Variants in CCDC13 observed in about 807,000 individuals in gnomAD.
The protein encoded by CCDC13 is coiled-coil domain containing 13.
A neutral mutation model predicts 87.3 loss-of-function variants in CCDC13; 70 were observed. That is an observed-to-expected ratio of 0.80 (90% CI 0.66 to 0.98). The LOEUF (loss-of-function observed/expected upper bound fraction) is 0.98, where lower values mean the gene tolerates loss of function less well. Ranked by LOEUF, CCDC13 falls within the 50% of genes least tolerant of loss-of-function variation. The pLI is 0.00. For synonymous variants in CCDC13, 317 were observed against 360.3 expected, an observed-to-expected ratio of 0.88 and a Z score of 1.36; for missense variants, 842 against 892.0, an observed-to-expected ratio of 0.94 and a Z score of 0.71.
At chr3:42,722,200 T>C (rs1308228619) in intron 13 of CCDC13, among the ~76,000 whole-genome samples, 1 of 152,190 alleles carries the variant, frequency 6.6e-6, no homozygotes, top group Admixed American at 6.5e-5. Flanking sequence ...ACCATACTGA[T>C]GCTTTCTGAC....
intron 9 of CCDC13, among the ~76,000 whole-genome samples, chr3:42,738,353 C>T (rs1247938190): frequency 6.6e-6 from 1 of 152,202 alleles, no homozygotes; most frequent in Admixed American, 6.5e-5. Flanking sequence ...ATGATCCCTC[C>T]AGCTTTGTTC....
chr3:42,722,439 G>A (rs1559639870), intron 13 of CCDC13, among the ~76,000 whole-genome samples: 2 of 152,186 alleles, frequency 1.3e-5, no homozygotes, highest in Non-Finnish European at 2.9e-5. Context: ...ATTCCCAGAT[G>A]GTTAAGGCAT....
intron 7 of CCDC13, chr3:42,745,706 T>G: frequency 2.4e-6 from 1 of 421,924 alleles, no homozygotes; most frequent in Non-Finnish European, 4.2e-6. Flanking sequence ...GCCTGGCATG[T>G]GCTAAGTGTT....
chr3:42,742,950 C>G lies in CCDC13; in HGVS notation c.933G>C (p.Glu311Asp). ...YPDPRKLSAQ[E>D]KNLLRIRSLE... ...GGCTGCGGATCCTCAGCAGGTTTTT[C>G]TCCTGTGCCGACAGCTTCCTTGGGT... is the stretch of plus-strand genomic sequence containing the variant. Residue 311 changes from glutamate (E) to aspartate (D), a missense_variant, in exon 8 of 16, where the codon GAG becomes GAC. Coordinates refer to ENST00000310232, the MANE Select transcript of CCDC13 (RefSeq NM_144719.4). The G allele has an allele frequency of 1.2e-6, 2 of 1,614,158 alleles. No individual in the cohort carries two copies. Among genetic ancestry groups the G allele is most frequent in the East Asian group, 4.5e-5 (2 of 44,892 alleles).
At chr3:42,738,988 G>A (rs546002676) in intron 9 of CCDC13, among the ~76,000 whole-genome samples, 7 of 152,290 alleles carry the variant, frequency 4.6e-5, no homozygotes, top group Middle Eastern at 3.4e-3. Context: ...GTCCTGTGCT[G>A]GTTTTCAAAG....
intron 13 of CCDC13, among the ~76,000 whole-genome samples, chr3:42,726,760 C>T (rs1698698567): frequency 6.7e-6 from 1 of 148,170 alleles, no homozygotes. Context: ...TAAAGTCACA[C>T]ATATATACAT....
intron 7 of CCDC13, among the ~76,000 whole-genome samples, chr3:42,744,760 G>A (rs1180229217): frequency 7.7e-6 from 1 of 129,428 alleles, no homozygotes; most frequent in Non-Finnish European, 1.5e-5. Context: ...AGCCGAGATC[G>A]CACCACTGCA....
chr3:42,709,015 G>T lies in CCDC13; in HGVS notation c.2113C>A (p.Gln705Lys). 6.2e-7 allele frequency: 1 copy of T among 1,613,656 alleles called. No individual in the cohort carries two copies. Among genetic ancestry groups the T allele is most frequent in the Non-Finnish European group, 8.5e-7 (1 of 1,179,752 alleles). The change falls in exon 16 of 16, where the codon CAG becomes AAG. Residue 705 changes from glutamine (Q) to lysine (K), a missense_variant. By Grantham distance (53) the Gln-to-Lys change is moderately conservative (BLOSUM62 1). Coordinates refer to ENST00000310232, the MANE Select transcript of CCDC13 (RefSeq NM_144719.4). Reference protein sequence around the residue: ...ILGQVKSVFLQALRQQKTGKQ With the variant: ...ILGQVKSVFLKALRQQKTGKQ Reference sequence around the variant, plus strand: ...CCTGTCTTCTGCTGCCGCAGGGCCTGCAGGAAGACACTTTTCACCTGGCCC... The same window carrying T: ...CCTGTCTTCTGCTGCCGCAGGGCCTTCAGGAAGACACTTTTCACCTGGCCC...
intron 1 of CCDC13, among the ~76,000 whole-genome samples, chr3:42,759,869 C>T (rs1214177208): frequency 6.6e-6 from 1 of 152,154 alleles, no homozygotes; most frequent in Non-Finnish European, 1.5e-5. Flanking sequence ...TCATAAGAAA[C>T]TGCTAAACTG....
intron 13 of CCDC13, among the ~76,000 whole-genome samples, chr3:42,727,612 T>C (rs557948006): frequency 6.6e-6 from 1 of 152,244 alleles, no homozygotes; most frequent in South Asian, 2.1e-4. Context: ...GAGGGTTTAA[T>C]TTCAGGGTTT....
intron 8 of CCDC13, 27 bp downstream of exon 8, chr3:42,742,869 C>G (rs770838259): frequency 1.2e-6 from 2 of 1,612,584 alleles, no homozygotes; most frequent in South Asian, 2.2e-5. Context: ...CCCACATGCC[C>G]AGCTGACCTC....
chr3:42,728,692 C>G (rs528485023), intron 13 of CCDC13, among the ~76,000 whole-genome samples: 2 of 152,172 alleles, frequency 1.3e-5, no homozygotes, highest in South Asian at 4.2e-4. Context: ...CCTGGGTTCC[C>G]TTTTCTTGTT....
intron 1 of CCDC13, among the ~76,000 whole-genome samples, chr3:42,760,632 C>T (rs528906883): frequency 2.6e-5 from 4 of 152,218 alleles, no homozygotes; most frequent in Non-Finnish European, 5.9e-5. Flanking sequence ...CATGGCACTC[C>T]AGCCTGGGCG....
intron 1 of CCDC13, among the ~76,000 whole-genome samples, chr3:42,764,642 T>C: frequency 6.6e-6 from 1 of 152,208 alleles, no homozygotes; most frequent in East Asian, 1.9e-4. Flanking sequence ...TTTGGGTTTG[T>C]GGCTCCTGCT....
chr3:42,719,841 T>G (rs1698519991), intron 13 of CCDC13, among the ~76,000 whole-genome samples: 1 of 152,194 alleles, frequency 6.6e-6, no homozygotes, highest in Non-Finnish European at 1.5e-5. Flanking sequence ...TGTGTGATGT[T>G]TATACATGAA....
chr3:42,708,839 T>C lies in CCDC13; in HGVS notation c.*141A>G, dbSNP rs1433058896. The C allele has an allele frequency of 3.5e-6, 3 of 865,574 alleles. No individual in the cohort carries two copies. Among genetic ancestry groups the C allele is most frequent in the Non-Finnish European group, 5.2e-6 (3 of 578,174 alleles). 53.6% of individuals were successfully genotyped at this position (865,574 alleles called of 1,614,324 possible). A position where few individuals can be genotyped will look rare whatever the true frequency, so the allele number is the denominator to read the frequency against. ...CCTGAGACATTGGTTTTGGTCATCC[T>C]TAAGGAGCCTCTTCTGGTAGAAGTG... On this transcript the variant is annotated 3_prime_UTR_variant, in exon 16 of 16. Coordinates refer to ENST00000310232, the MANE Select transcript of CCDC13 (RefSeq NM_144719.4).
Position 42,709,041 on chromosome 3 carries a change from A to T in CCDC13, c.2087T>A (p.Leu696Gln). The change falls in exon 16 of 16, where the codon CTG becomes CAG. Residue 696 changes from leucine (L) to glutamine (Q), a missense_variant. By Grantham distance (113) the Leu-to-Gln change is moderately radical (BLOSUM62 -2). Transcript: ENST00000310232. ...CAGGAAGACACTTTTCACCTGGCCC[A>T]GGATCTCATGGTACATCCGGAAGTC... ...EEDFRMYHEI[L>Q]GQVKSVFLQA... 6.2e-7 allele frequency: 1 copy of T among 1,614,070 alleles called. No individual in the cohort carries two copies. Among genetic ancestry groups the T allele is most frequent in the Non-Finnish European group, 8.5e-7 (1 of 1,179,944 alleles).
In CCDC13 at chr3:42,707,309, T is replaced by C. The variant is rs1698200901; in HGVS notation, c.*1671A>G. Among the ~76,000 whole-genome samples the C allele has an allele frequency of 2.0e-5, 3 of 152,278 alleles. No homozygotes were observed. The South Asian group carries it at 6.2e-4, about 32-fold the overall frequency. On this transcript the variant is annotated 3_prime_UTR_variant, in exon 16 of 16. Coordinates refer to ENST00000310232, the MANE Select transcript of CCDC13 (RefSeq NM_144719.4). Reference sequence around the variant, plus strand: ...CTGGCTCTCTGCCTGGCCGTTTTCCTTCACAAGGAACCAGAGAAAAACTCT... The same window carrying C: ...CTGGCTCTCTGCCTGGCCGTTTTCCCTCACAAGGAACCAGAGAAAAACTCT...
chr3:42,772,438 G>A (rs946554678), intron 1 of CCDC13, among the ~76,000 whole-genome samples: 1 of 152,120 alleles, frequency 6.6e-6, no homozygotes, highest in African/African-American at 2.4e-5. Flanking sequence ...GGGACCATAG[G>A]TGACAGGGAC....
Sources: allele counts gnomAD v4.1 joint callset (sites outside exome capture counted in the v4.1 genomes callset), GRCh38; gene constraint gnomAD v4.1.1; transcripts MANE v1.5; gene names NCBI Gene and HGNC (gene_info 2026-07-23, HGNC 2026-07-21).